The following TENM4 variants were observed in gnomAD, a reference collection of about 807,000 sequenced individuals.
TENM4 encodes the protein teneurin transmembrane protein 4, also known as teneurin-4.
A neutral mutation model predicts 243.3 loss-of-function variants in TENM4; 82 were observed. The ratio of observed to expected loss-of-function variants is 0.34; its 90% confidence interval spans 0.28 to 0.40. TENM4 has a LOEUF of 0.40. Among genes scored for constraint, TENM4 ranks in the 10% least tolerant of loss-of-function variants. The probability of loss-of-function intolerance (pLI) is 1.00; values close to 1 mark genes in which losing one functional copy is unlikely to be tolerated. For synonymous variants in TENM4, 1,412 were observed against 1,456.3 expected (o/e 0.97, Z 0.69); for missense variants, 3,138 against 3,673.3 (o/e 0.85, Z 3.77).
chr11:79,291,581 A>G (rs903757039), intron 2 of TENM4, among the ~76,000 whole-genome samples: 2 of 152,142 alleles, frequency 1.3e-5, no homozygotes, highest in Non-Finnish European at 2.9e-5. Flanking sequence ...AATCCCAGAG[A>G]GGATTTCATT....
At chr11:78,847,330 A>G (rs1858420021) in intron 12 of TENM4, among the ~76,000 whole-genome samples, 1 of 152,200 alleles carries the variant, frequency 6.6e-6, no homozygotes, top group African/African-American at 2.4e-5. Context: ...CCAGGTAAAG[A>G]TTCAGAAGGT....
intron 2 of TENM4, among the ~76,000 whole-genome samples, chr11:79,294,228 T>G (rs1485518906): frequency 6.6e-6 from 1 of 152,228 alleles, no homozygotes; most frequent in African/African-American, 2.4e-5. Flanking sequence ...TAATGACCAC[T>G]ATGATTTGTC....
intron 19 of TENM4, among the ~76,000 whole-genome samples, chr11:78,755,794 A>C (rs113145328): frequency 0.026 from 4,019 of 151,774 alleles, 165 homozygotes; most frequent in African/African-American, 0.093. Context: ...AATGTCCCTT[A>C]CCCTTCCTAC....
At chr11:78,866,956 AT>A (rs796255247) in intron 9 of TENM4, among the ~76,000 whole-genome samples, 5 of 152,318 alleles carry the variant, frequency 3.3e-5, no homozygotes, top group African/African-American at 9.6e-5. Context: ...TTTAAAAAAA[AT>A]TTTAATTTTT....
At chr11:78,906,935 T>C (rs1856077181) in intron 6 of TENM4, among the ~76,000 whole-genome samples, 2 of 152,148 alleles carry the variant, frequency 1.3e-5, no homozygotes, top group African/African-American at 4.8e-5. Context: ...CAAGTGAGGT[T>C]CATGTGGGGC....
At chr11:79,299,524 A>G (rs1349907616) in intron 1 of TENM4, among the ~76,000 whole-genome samples, 2 of 152,216 alleles carry the variant, frequency 1.3e-5, no homozygotes, top group Non-Finnish European at 2.9e-5. Context: ...GCTTTTCCGT[A>G]AAGTGACTAG....
chr11:78,872,176 G>A (rs1859149235), intron 9 of TENM4, among the ~76,000 whole-genome samples: 1 of 152,160 alleles, frequency 6.6e-6, no homozygotes, highest in Admixed American at 6.6e-5. Context: ...CAGATATGAA[G>A]TTCTTGTCAC....
At chr11:79,279,322 T>A (rs1416799596) in intron 2 of TENM4, among the ~76,000 whole-genome samples, 2 of 152,100 alleles carry the variant, frequency 1.3e-5, no homozygotes, top group African/African-American at 4.8e-5. Flanking sequence ...GCTTACAATC[T>A]TCTGAGAGTA....
chr11:79,066,730 G>GCGCACGCGCA (rs1555001926), intron 5 of TENM4, among the ~76,000 whole-genome samples: 4 of 150,606 alleles, frequency 2.7e-5, no homozygotes, highest in South Asian at 2.1e-4. Flanking sequence ...GAGCACACAC[G>GCGCACGCGCA]CGCACGCACA....
At chr11:78,899,559 CGG>C (rs112067150) in intron 7 of TENM4, among the ~76,000 whole-genome samples, 470 of 29,606 alleles carry the variant, frequency 0.016, 10 homozygotes, top group African/African-American at 0.031. Flanking sequence ...TCTCAAAAAG[CGG>C]GGGGGGGGGG....
chr11:79,110,795 G>C (rs1861485561), intron 4 of TENM4, among the ~76,000 whole-genome samples: 1 of 152,132 alleles, frequency 6.6e-6, no homozygotes, highest in Non-Finnish European at 1.5e-5. Context: ...GTATCTGAGA[G>C]ATAGGCCCTT....
intron 2 of TENM4, among the ~76,000 whole-genome samples, chr11:79,276,358 G>C (rs772920813): frequency 1.3e-5 from 2 of 152,236 alleles, no homozygotes; most frequent in Non-Finnish European, 2.9e-5. Context: ...CTGGAGGAAG[G>C]GCATTGTCTT....
intron 6 of TENM4, among the ~76,000 whole-genome samples, chr11:79,034,779 G>A (rs1332103964): frequency 6.6e-6 from 1 of 152,122 alleles, no homozygotes; most frequent in Non-Finnish European, 1.5e-5. Context: ...ATGATGATAT[G>A]CACGGACCTC....
In TENM4 at chr11:78,966,171, C is replaced by T. The variant is rs376562470; in HGVS notation, c.494-62648G>A. Among the ~76,000 whole-genome samples the T allele has an allele frequency of 1.4e-4, 20 of 139,336 alleles. No homozygotes were observed. In the East Asian group the frequency reaches 3.7e-3, roughly 26 times the overall value. 91.4% of individuals were successfully genotyped at this position (139,336 alleles called of 152,430 possible). ...TACTTTGCCCTTTGCACCTCCGTTT[C>T]TACACCTTTATAAAGGAAAATTAAA... On this transcript the variant is annotated intron_variant, in intron 6 of 33. Coordinates refer to ENST00000278550, the MANE Select transcript of TENM4 (RefSeq NM_001098816.3).
rs1855654863 is a variant in TENM4 at position 78,891,137 on chromosome 11, C to T, written c.848+101G>A. On this transcript the variant is annotated intron_variant, in intron 8 of 33. Coordinates refer to ENST00000278550, the MANE Select transcript of TENM4 (RefSeq NM_001098816.3). Reference sequence around the variant, plus strand: ...GGTGATGAGCATGCCACATGGATCACCTCCCCCAGAAGATCCCAGGGAAAG... The same window carrying T: ...GGTGATGAGCATGCCACATGGATCATCTCCCCCAGAAGATCCCAGGGAAAG... 50 of 1,088,214 alleles carry T rather than the reference C, an allele frequency of 4.6e-5. No individual in the cohort carries two copies. The South Asian group carries it at 7.1e-4, about 15-fold the overall frequency. The allele number at this position is 1,088,214 out of a possible 1,614,324, so 67.4% of individuals were successfully genotyped here.
intron 2 of TENM4, among the ~76,000 whole-genome samples, chr11:79,284,905 A>G (rs561739505): frequency 1.3e-5 from 2 of 152,328 alleles, no homozygotes; most frequent in Admixed American, 6.5e-5. Flanking sequence ...ATATTTCTCC[A>G]AAGAAGACAA....
chr11:79,236,054 C>T (rs1304804244), intron 2 of TENM4, among the ~76,000 whole-genome samples: 1 of 152,090 alleles, frequency 6.6e-6, no homozygotes, highest in East Asian at 1.9e-4. Flanking sequence ...AGACTTGATT[C>T]CTGTAGGAAG....
chr11:78,818,530 T>C (rs972985830), intron 12 of TENM4, among the ~76,000 whole-genome samples: 13 of 152,196 alleles, frequency 8.5e-5, no homozygotes, highest in Non-Finnish European at 1.8e-4. Flanking sequence ...AGGAGAAATA[T>C]AGAGAATATT....
chr11:79,334,394 C>A (rs999300531), intron 1 of TENM4, among the ~76,000 whole-genome samples: 1 of 152,226 alleles, frequency 6.6e-6, no homozygotes, highest in Non-Finnish European at 1.5e-5. Context: ...CAAAGAGCAA[C>A]TTTCACCGCA....
Sources: gnomAD v4.1 joint callset for allele counts (sites outside exome capture counted in the v4.1 genomes callset) on GRCh38, gnomAD v4.1.1 for gene constraint, MANE v1.5 for transcripts, NCBI Gene and HGNC (gene_info 2026-07-23, HGNC 2026-07-21) for gene names.